The following CACNA1E variants were observed in gnomAD, a reference collection of about 807,000 sequenced individuals.
The protein encoded by CACNA1E is voltage-dependent R-type calcium channel subunit alpha-1E.
Under a neutral mutation model 259.2 loss-of-function variants are expected in CACNA1E, and 40 were observed. The observed-to-expected ratio is 0.15, with a 90% CI of 0.12 to 0.20. CACNA1E has a LOEUF of 0.20. Ranked by LOEUF, CACNA1E falls within the 10% of genes least tolerant of loss-of-function variation. The pLI is 1.00. For synonymous variants in CACNA1E, 1,104 were observed against 1,138.5 expected (o/e 0.97, Z 0.61); for missense variants, 1,874 against 3,040.1 (o/e 0.62, Z 9.02).
chr1:181,577,264 G>A (rs1340359682), intron 3 of CACNA1E, among the ~76,000 whole-genome samples: 2 of 152,206 alleles, frequency 1.3e-5, no homozygotes, highest in Admixed American at 1.3e-4. Context: ...CCAGTTGCAA[G>A]CATCAGCATA....
intron 2 of CACNA1E, among the ~76,000 whole-genome samples, chr1:181,457,415 A>G (rs775826195): frequency 1.8e-4 from 27 of 152,370 alleles, no homozygotes; most frequent in Admixed American, 1.0e-3. Flanking sequence ...CTTTTAGGAC[A>G]TGCTGCAGAG....
Position 181,351,288 on chromosome 1 carries a change from C to G in CACNA1E, c.-15+33165C>G, listed in dbSNP as rs550639644. On this transcript the variant is annotated intron_variant, in intron 1 of 11. Transcript: ENST00000524607. ...TGCTGAGTCTCAGCCACCTCAGCATCTAGGGCTGTAGCCCCACGGCTCAAG... is the reference window on the plus strand; with the variant it reads ...TGCTGAGTCTCAGCCACCTCAGCATGTAGGGCTGTAGCCCCACGGCTCAAG... Among the ~76,000 whole-genome samples, 181 of 152,286 alleles carry G rather than the reference C, an allele frequency of 1.2e-3. 1 individual carries two copies. The highest frequency in any genetic ancestry group is 4.3e-3 in the African/African-American group (178 of 41,564).
Position 181,784,676 on chromosome 1 carries a change from A to G in CACNA1E, c.5486A>G (p.Gln1829Arg), listed in dbSNP as rs1198888369. The G allele has an allele frequency of 3.2e-6, 5 of 1,577,904 alleles. No homozygotes were observed. In the Admixed American group the frequency reaches 9.0e-5, roughly 28 times the overall value. Residue 1829 changes from glutamine to arginine, a missense_variant, in exon 41 of 48, where the codon CAG becomes CGG. Around this residue, in one of 14 missense-constraint regions of CACNA1E, gnomAD observed 147 missense variants for 337.1 expected, o/e 0.44. Transcript: ENST00000367573. ...IKIAKGGADR[Q>R]QLDSELQKET... is the part of the protein sequence containing the mutation. The stretch of plus-strand genomic sequence containing the variant: ...CTTATTCTAGGTGGTGCAGACAGGC[A>G]GCAGCTAGACTCAGAGCTACAAAAG...
At chr1:181,497,570 T>C (rs934278859) in intron 1 of CACNA1E, among the ~76,000 whole-genome samples, 2 of 152,212 alleles carry the variant, frequency 1.3e-5, no homozygotes, top group Non-Finnish European at 2.9e-5. Context: ...CAGTGTGCTC[T>C]AGAGGAGTGT....
At chr1:181,414,653 G>A (rs1658126407) in intron 2 of CACNA1E, among the ~76,000 whole-genome samples, 1 of 152,110 alleles carries the variant, frequency 6.6e-6, no homozygotes, top group Admixed American at 6.5e-5. Flanking sequence ...AACATTCCAA[G>A]CACCTTACAT....
At chr1:181,739,894 C>G (rs539605744) in intron 25 of CACNA1E, among the ~76,000 whole-genome samples, 25 of 152,176 alleles carry the variant, frequency 1.6e-4, no homozygotes, top group African/African-American at 6.0e-4. Context: ...ATTTTTTTCC[C>G]CCCTGCACAT....
At chr1:181,518,447 T>G (rs1239510199) in intron 3 of CACNA1E, among the ~76,000 whole-genome samples, 7 of 152,208 alleles carry the variant, frequency 4.6e-5, no homozygotes, top group Non-Finnish European at 1.0e-4. Context: ...TCTGTTCCAA[T>G]TGCATTTCCC....
At chr1:181,461,175 C>T (rs1661775555) in intron 2 of CACNA1E, among the ~76,000 whole-genome samples, 1 of 152,090 alleles carries the variant, frequency 6.6e-6, no homozygotes, top group Non-Finnish European at 1.5e-5. Flanking sequence ...TAGAACTGAG[C>T]CCTTTCTTTT....
chr1:181,744,925 A>T lies in CACNA1E; in HGVS notation c.3720-5551A>T, dbSNP rs148788724. Among the ~76,000 whole-genome samples the T allele has an allele frequency of 4.9e-3, 747 of 152,324 alleles. 1 individual carries two copies. Among genetic ancestry groups the T allele is most frequent in the Middle Eastern group, 0.01 (3 of 294 alleles). On this transcript the variant is annotated intron_variant, in intron 25 of 47. Transcript: ENST00000367573. ...GCTGAAAAGGAATTGGAAATTTCCA[A>T]CTGTAAGCAGATAGGAGGATTTTGT...
chr1:181,751,410 C>T (rs1455642866), intron 26 of CACNA1E, among the ~76,000 whole-genome samples: 1 of 152,230 alleles, frequency 6.6e-6, no homozygotes, highest in African/African-American at 2.4e-5. Flanking sequence ...TCTCTGCAGC[C>T]TGTGCTAGGT....
chr1:181,318,378 G>A (rs1650069492), intron 1 of CACNA1E, among the ~76,000 whole-genome samples: 1 of 152,232 alleles, frequency 6.6e-6, no homozygotes, highest in African/African-American at 2.4e-5. Flanking sequence ...GTCCTGGCGT[G>A]GGAAACGCCC....
At chr1:181,579,266 C>T (rs564826658) in intron 5 of CACNA1E, 42 bp downstream of exon 5, 1 of 1,541,372 alleles carries the variant, frequency 6.5e-7, no homozygotes, top group Admixed American at 1.8e-5. Flanking sequence ...CCCTTCTCCC[C>T]TCTGTTAACT....
intron 6 of CACNA1E, among the ~76,000 whole-genome samples, chr1:181,580,995 T>G (rs1383588096): frequency 6.6e-6 from 1 of 152,218 alleles, no homozygotes; most frequent in Non-Finnish European, 1.5e-5. Context: ...TTAATACGAT[T>G]AGGAAATTAC....
intron 27 of CACNA1E, 115 bp downstream of exon 27, chr1:181,752,354 G>A: frequency 1.3e-6 from 1 of 751,976 alleles, no homozygotes; most frequent in Middle Eastern, 2.6e-4. Context: ...TTCTCACACG[G>A]ATATCGAAGT....
intron 1 of CACNA1E, among the ~76,000 whole-genome samples, chr1:181,362,228 A>C (rs1400271057): frequency 6.6e-6 from 1 of 152,224 alleles, no homozygotes; most frequent in Non-Finnish European, 1.5e-5. Context: ...AATCATGAGC[A>C]CACAGCTCTG....
intron 25 of CACNA1E, among the ~76,000 whole-genome samples, chr1:181,749,449 C>G (rs1657396113): frequency 6.6e-6 from 1 of 152,142 alleles, no homozygotes; most frequent in African/African-American, 2.4e-5. Flanking sequence ...TTGACAGAAC[C>G]TTGAACTAAA....
chr1:181,325,641 T>TTA (rs138180400), intron 1 of CACNA1E, among the ~76,000 whole-genome samples: 1 of 149,398 alleles, frequency 6.7e-6, no homozygotes, highest in South Asian at 2.1e-4. Context: ...AGTTTTTTAT[T>TTA]TTTATTTATT....
At chr1:181,418,764 C>G (rs569277891) in intron 2 of CACNA1E, among the ~76,000 whole-genome samples, 41 of 152,162 alleles carry the variant, frequency 2.7e-4, no homozygotes, top group African/African-American at 3.9e-4. Context: ...TGTCTCCCCC[C>G]TCAAAATGTA....
intron 6 of CACNA1E, among the ~76,000 whole-genome samples, chr1:181,592,506 G>A (rs1476683413): frequency 9.3e-6 from 1 of 107,530 alleles, no homozygotes; most frequent in Non-Finnish European, 1.8e-5. Context: ...GGGGTGGGGG[G>A]TGGGGAAACA....
Sources: gnomAD v4.1 joint callset for allele counts (sites outside exome capture counted in the v4.1 genomes callset) on GRCh38, gnomAD v4.1.1 for gene constraint, gnomAD v4.1.1 regional missense constraint, MANE v1.5 for transcripts, NCBI Gene and HGNC (gene_info 2026-07-23, HGNC 2026-07-21) for gene names.